The following STK32A variants were observed in gnomAD, a reference collection of about 807,000 sequenced individuals.
STK32A encodes serine/threonine kinase 32A.
Under a neutral mutation model 53.2 loss-of-function variants are expected in STK32A, and 41 were observed. That is an observed-to-expected ratio of 0.77 (90% CI 0.60 to 1.00). The LOEUF is 1.00. Among genes scored for constraint, STK32A ranks in the 50% least tolerant of loss-of-function variants. The pLI, the probability that STK32A is intolerant of heterozygous loss-of-function variation, is 0.00. For synonymous variants in STK32A, 166 were observed against 162.8 expected, an observed-to-expected ratio of 1.02 and a Z score of -0.15; for missense variants, 458 against 485.8, an observed-to-expected ratio of 0.94 and a Z score of 0.54.
chr5:147,282,869 C>T (rs1057145920), intron 4 of STK32A, among the ~76,000 whole-genome samples: 1 of 152,144 alleles, frequency 6.6e-6, no homozygotes, highest in African/African-American at 2.4e-5. Context: ...ACTCCACTGA[C>T]AGCACTAGAC....
intron 4 of STK32A, among the ~76,000 whole-genome samples, chr5:147,313,909 A>G (rs1753827043): frequency 6.6e-6 from 1 of 152,226 alleles, no homozygotes; most frequent in Non-Finnish European, 1.5e-5. Flanking sequence ...CACACCATGT[A>G]CAAAATTAGC....
intron 2 of STK32A, among the ~76,000 whole-genome samples, chr5:147,265,387 C>T: frequency 6.6e-6 from 1 of 152,020 alleles, no homozygotes; most frequent in East Asian, 1.9e-4. Context: ...CTCTTTTGTA[C>T]ACCATACAAA....
At chr5:147,389,929 G>A (rs1757757744), downstream of STK32A, among the ~76,000 whole-genome samples, 1 of 152,144 alleles carries the variant, frequency 6.6e-6, no homozygotes, top group African/African-American at 2.4e-5. Flanking sequence ...AGGCACACAG[G>A]GCCGAAGTGG....
intron 1 of STK32A, among the ~76,000 whole-genome samples, chr5:147,237,461 A>T (rs1260003650): frequency 6.6e-6 from 1 of 152,184 alleles, no homozygotes; most frequent in Admixed American, 6.5e-5. Context: ...AACTCACAAT[A>T]AAACACTCAC....
At chr5:147,366,044 C>G (rs1756727845) in intron 8 of STK32A, among the ~76,000 whole-genome samples, 1 of 152,122 alleles carries the variant, frequency 6.6e-6, no homozygotes, top group Non-Finnish European at 1.5e-5. Context: ...CACACACACA[C>G]ACACACACAT....
chr5:147,270,729 A>G (rs1561682824), intron 2 of STK32A, among the ~76,000 whole-genome samples: 1 of 152,242 alleles, frequency 6.6e-6, no homozygotes, highest in Non-Finnish European at 1.5e-5. Flanking sequence ...AAAGAAATAA[A>G]GTAAATCAAT....
chr5:147,370,700 A>C lies in STK32A; in HGVS notation c.707A>C (p.His236Pro). 1 of 1,612,766 alleles carries C rather than the reference A, an allele frequency of 6.2e-7. No individual in the cohort carries two copies. Among genetic ancestry groups the C allele is most frequent in the Non-Finnish European group, 8.5e-7 (1 of 1,178,952 alleles). The change falls in exon 9 of 13, where the codon CAC becomes CCC. Residue 236 changes from histidine to proline, a missense_variant. His to Pro is a moderately conservative substitution (Grantham distance 77, BLOSUM62 -2). Transcript: ENST00000397936. ...AGTACTTCCAGCAAGGAAATTGTAC[A>C]CACGTTTGAGACGACTGTTGTAACT... ...RSSTSSKEIVHTFETTVVTYP... is the reference protein window; with the variant it reads ...RSSTSSKEIVPTFETTVVTYP...
the STK32A span, chr5:147,394,129 G>T: frequency 1.9e-6 from 3 of 1,613,350 alleles, no homozygotes; most frequent in Non-Finnish European, 1.7e-6. Context: ...GGTGCCTACA[G>T]TTGGAAATAA....
chr5:147,261,883 C>T (rs1179775625), intron 2 of STK32A, among the ~76,000 whole-genome samples: 3 of 139,074 alleles, frequency 2.2e-5, no homozygotes, highest in African/African-American at 5.5e-5. Context: ...CCATGCTATC[C>T]CCCCCAAGCT....
chr5:147,330,037 T>C (rs1055866705), intron 5 of STK32A, among the ~76,000 whole-genome samples: 2 of 152,218 alleles, frequency 1.3e-5, no homozygotes, highest in African/African-American at 4.8e-5. Flanking sequence ...ATTAGTTTTG[T>C]ATGCTGTGTA....
In STK32A at chr5:147,239,671, G is replaced by A. The variant is rs771304484; in HGVS notation, c.37G>A (p.Asp13Asn). 8 of 1,608,272 alleles carry A rather than the reference G, an allele frequency of 5.0e-6. No individual in the cohort carries two copies. The African/African-American group carries it at 1.1e-4, about 22-fold the overall frequency. Residue 13 changes from aspartate (D) to asparagine (N), a missense_variant, in exon 2 of 13, where the codon GAT becomes AAT. Asp to Asn is a conservative substitution (Grantham distance 23). Coordinates refer to ENST00000397936, the MANE Select transcript of STK32A (RefSeq NM_001112724.2). ...CACTTCAAGAAAACCACCAGTGTTT[G>A]ATGAAAATGAAGATGGTAAGAAATA... The part of the protein sequence containing the change: ...ANTSRKPPVF[D>N]ENEDVNFDHF...
At chr5:147,309,078 T>G (rs10072242) in intron 4 of STK32A, among the ~76,000 whole-genome samples, 18,463 of 151,934 alleles carry the variant, frequency 0.12, 2,787 homozygotes, top group African/African-American at 0.36. Context: ...AGGAAGAAAT[T>G]GGTAATGTAG....
intron 2 of STK32A, among the ~76,000 whole-genome samples, chr5:147,257,708 G>A (rs545975725): frequency 6.6e-6 from 1 of 152,228 alleles, no homozygotes; most frequent in African/African-American, 2.4e-5. Flanking sequence ...TCCCAGGCTG[G>A]CTCGAGTTTT....
Position 147,370,659 on chromosome 5 carries a change from G to A in STK32A, c.666G>A (p.Pro222=), listed in dbSNP as rs368677802. 90 of 1,605,864 alleles carry A rather than the reference G, an allele frequency of 5.6e-5. No homozygotes were observed. The highest frequency in any genetic ancestry group is 1.2e-4 in the African/African-American group (9 of 74,740). Residue 222 remains proline (P), a synonymous_variant, in exon 9 of 13, where the codon CCG becomes CCA. Transcript: ENST00000397936. ...TAYELLRGRR[P]YHIRSSTSSK... ...TACTTCTTTTCTCCCTTAAGAGACC[G>A]TATCATATTCGCTCCAGTACTTCCA...
At chr5:147,362,901 G>A (rs1272897296) in intron 8 of STK32A, among the ~76,000 whole-genome samples, 1 of 151,866 alleles carries the variant, frequency 6.6e-6, no homozygotes, top group African/African-American at 2.4e-5. Flanking sequence ...TGGGCCACAT[G>A]GGAGACCCTG....
the STK32A span, chr5:147,395,692 G>A: frequency 6.2e-7 from 1 of 1,614,048 alleles, no homozygotes; most frequent in Non-Finnish European, 8.5e-7. Context: ...CATCGTACAT[G>A]CCCCTTGGGA....
chr5:147,270,933 A>G (rs1581019927), intron 2 of STK32A, among the ~76,000 whole-genome samples: 1 of 152,178 alleles, frequency 6.6e-6, no homozygotes, highest in African/African-American at 2.4e-5. Flanking sequence ...ACTTTTATCA[A>G]CTTTGCTTGT....
chr5:147,292,373 T>C (rs1439827286), intron 4 of STK32A, among the ~76,000 whole-genome samples: 2 of 152,160 alleles, frequency 1.3e-5, no homozygotes, highest in African/African-American at 4.8e-5. Flanking sequence ...CAAATAACAA[T>C]ATTGCCATAA....
At chr5:147,301,021 G>GA (rs1753105656) in intron 4 of STK32A, among the ~76,000 whole-genome samples, 1 of 152,164 alleles carries the variant, frequency 6.6e-6, no homozygotes, top group South Asian at 2.1e-4. Flanking sequence ...ATTCATAGGA[G>GA]AAAAAGCACA....
Sources: gnomAD v4.1 joint callset for allele counts (sites outside exome capture counted in the v4.1 genomes callset) on GRCh38, gnomAD v4.1.1 for gene constraint, MANE v1.5 for transcripts, NCBI Gene and HGNC (gene_info 2026-07-23, HGNC 2026-07-21) for gene names.